The following ANKRD13C variants were observed in gnomAD, a reference collection of about 807,000 sequenced individuals.
ANKRD13C encodes ankyrin repeat domain-containing protein 13C.
A neutral mutation model predicts 65.5 loss-of-function variants in ANKRD13C; 16 were observed. The ratio of observed to expected loss-of-function variants is 0.24; its 90% CI spans 0.17 to 0.37. ANKRD13C has a LOEUF of 0.37. Ranked by LOEUF, ANKRD13C falls within the 10% of genes least tolerant of loss-of-function variation. ANKRD13C has a pLI of 1.00. For synonymous variants in ANKRD13C, 235 were observed against 238.7 expected (o/e 0.98, Z 0.14); for missense variants, 503 against 655.9 (o/e 0.77, Z 2.55).
At chr1:70,331,512 A>G (rs1300779075) in intron 2 of ANKRD13C, among the ~76,000 whole-genome samples, 1 of 152,132 alleles carries the variant, frequency 6.6e-6, no homozygotes, top group Non-Finnish European at 1.5e-5. Context: ...GGAATAGACT[A>G]TCTAGGCTGA....
intron 6 of ANKRD13C, among the ~76,000 whole-genome samples, chr1:70,302,890 G>A (rs202161368): frequency 6.6e-6 from 1 of 151,924 alleles, no homozygotes; most frequent in East Asian, 1.9e-4. Flanking sequence ...GGAATGTTAT[G>A]CTCTACATAA....
intron 8 of ANKRD13C, 123 bp downstream of exon 8, chr1:70,296,006 GA>G (rs1680067143): frequency 9.2e-7 from 1 of 1,082,422 alleles, no homozygotes; most frequent in Admixed American, 2.9e-5. Context: ...TGGATTCAAG[GA>G]AGAGAGAAAA....
chr1:70,354,164 T>C lies in ANKRD13C; in HGVS notation c.245A>G (p.Asn82Ser), dbSNP rs368427148. Residue 82 changes from asparagine to serine, a missense_variant, in exon 1 of 13, where the codon AAT (asparagine) becomes AGT (serine). By Grantham distance (46) the Asn-to-Ser change is conservative (BLOSUM62 1). Around this residue, in one of 2 missense-constraint regions of ANKRD13C, gnomAD observed 203 missense variants for 177.6 expected, o/e 1.14. Transcript: ENST00000370944. ...CTGGGAGTTGGCAGTCACGGAGGAA[T>C]TGTGCAGCGGCAGAGCCGGGGCGCC... ...PPGAPALPLH[N>S]SSVTANSQSP... is the part of the protein sequence containing the mutation. 20 of 1,613,922 alleles carry C rather than the reference T, an allele frequency of 1.2e-5. No individual in the cohort carries two copies. The highest frequency in any genetic ancestry group is 8.0e-5 in the African/African-American group (6 of 74,894).
intron 5 of ANKRD13C, among the ~76,000 whole-genome samples, chr1:70,309,258 G>C (rs1279328518): frequency 6.6e-6 from 1 of 151,412 alleles, no homozygotes; most frequent in African/African-American, 2.4e-5. Context: ...ATTTTTAGCA[G>C]AGATGGGTTT....
At position 70,285,591 on chromosome 1, in the gene ANKRD13C, CCT is replaced by C. The variant is rs1012163066; in HGVS notation, c.1215+6795_1215+6796del. On this transcript the variant is annotated intron_variant, in intron 9 of 12. Transcript: ENST00000370944. ...TTGATAGGTCTCTCCTCTTTCACCC[CCT>C]GTTGTTTAACCTCACATTAAATAAT... 5.9e-5 allele frequency among the ~76,000 whole-genome samples: 9 copies of C among 151,780 alleles called. No individual in the cohort carries two copies. In the South Asian group the frequency reaches 1.0e-3, roughly 18 times the overall value.
chr1:70,262,933 C>G, intron 12 of ANKRD13C, 86 bp from the exon 13 acceptor site: 1 of 720,218 alleles, frequency 1.4e-6, no homozygotes, highest in African/African-American at 2.6e-5. Flanking sequence ...TGTCCATACT[C>G]CTTAAAATGT....
Position 70,287,833 on chromosome 1 carries a change from C to G in ANKRD13C, c.1215+4555G>C, listed in dbSNP as rs189425133. Among the ~76,000 whole-genome samples the G allele has an allele frequency of 2.0e-5, 3 of 152,104 alleles. No homozygotes were observed. The East Asian group carries it at 5.8e-4, about 29-fold the overall frequency. On this transcript the variant is annotated intron_variant, in intron 9 of 12. Transcript: ENST00000370944. ...ACCAGTCTGGGCAACATGGTGAGAC[C>G]TTGTCTCTACAAAAAAATAAAAAAT...
intron 7 of ANKRD13C, 23 bp from the exon 8 acceptor site, chr1:70,296,284 A>G (rs373900026): frequency 1.6e-4 from 251 of 1,598,612 alleles, no homozygotes; most frequent in Non-Finnish European, 2.0e-4. Context: ...CAAAAGTTAA[A>G]TATAAAAATC....
chr1:70,316,688 T>C (rs1313929946), intron 3 of ANKRD13C, among the ~76,000 whole-genome samples: 3 of 151,958 alleles, frequency 2.0e-5, no homozygotes, highest in Non-Finnish European at 4.4e-5. Flanking sequence ...GTGCCTGTAA[T>C]TAACTAAATA....
intron 2 of ANKRD13C, 103 bp from the exon 3 acceptor site, chr1:70,325,060 A>C: frequency 1.3e-6 from 1 of 759,646 alleles, no homozygotes; most frequent in South Asian, 2.5e-5. Context: ...TAAATAGATG[A>C]AATAAACATT....
At chr1:70,277,229 G>A (rs774014291) in intron 9 of ANKRD13C, among the ~76,000 whole-genome samples, 11 of 151,978 alleles carry the variant, frequency 7.2e-5, no homozygotes, top group African/African-American at 1.2e-4. Flanking sequence ...AGGCCAAGGC[G>A]GGTGGATCAC....
chr1:70,336,053 C>A lies in ANKRD13C; in HGVS notation c.472+5G>T. 1.2e-6 allele frequency: 1 copy of A among 810,152 alleles called. No homozygotes were observed. The highest frequency in any genetic ancestry group is 2.5e-5 in the South Asian group (1 of 40,656). The allele number at this position is 810,152 out of a possible 1,614,324, so 50.2% of individuals were successfully genotyped here. On this transcript the variant is annotated splice_donor_5th_base_variant and intron_variant, in intron 2 of 12. Transcript: ENST00000370944. ...TAAACATAAAAAAAGAAAATATTTA[C>A]TAACCTTTATTTCCTAACATCACAG...
intron 10 of ANKRD13C, among the ~76,000 whole-genome samples, 189 bp downstream of exon 10, chr1:70,276,576 T>C (rs1266335201): frequency 6.6e-6 from 1 of 152,066 alleles, no homozygotes; most frequent in East Asian, 1.9e-4. Context: ...GCAAAGAGGG[T>C]ACATAATTTG....
intron 12 of ANKRD13C, among the ~76,000 whole-genome samples, chr1:70,268,085 G>A (rs1375381764): frequency 6.6e-6 from 1 of 152,116 alleles, no homozygotes; most frequent in Admixed American, 6.6e-5. Flanking sequence ...GGAGAGACCT[G>A]AGCAAGCCTA....
chr1:70,325,482 C>T (rs1450858326), intron 2 of ANKRD13C, among the ~76,000 whole-genome samples: 4 of 152,140 alleles, frequency 2.6e-5, no homozygotes, highest in South Asian at 2.1e-4. Flanking sequence ...GGGCAAAACT[C>T]GGCTTATGAT....
chr1:70,288,622 GA>G (rs1679725231), intron 9 of ANKRD13C, among the ~76,000 whole-genome samples: 1 of 152,164 alleles, frequency 6.6e-6, no homozygotes, highest in East Asian at 1.9e-4. Context: ...AGTGAAAAAA[GA>G]AAAGCCAATT....
At chr1:70,262,955 A>G (rs1228575278) in intron 12 of ANKRD13C, 108 bp from the exon 13 acceptor site, 2 of 923,358 alleles carry the variant, frequency 2.2e-6, no homozygotes, top group Non-Finnish European at 3.0e-6. Flanking sequence ...AAAAAAAAAA[A>G]AAAAATACTC....
chr1:70,354,577 G>A lies in ANKRD13C; in HGVS notation c.-169C>T. On this transcript the variant is annotated 5_prime_UTR_variant, in exon 1 of 13. Transcript: ENST00000370944. ...AAACGCATCTCCCGGGGAAGAGCCG[G>A]CTCTCGCCTAGGCACGAAGGGACGC... 1 of 1,415,002 alleles carries A rather than the reference G, an allele frequency of 7.1e-7. No individual in the cohort carries two copies. The highest frequency in any genetic ancestry group is 2.5e-5 in the East Asian group (1 of 39,864). 87.7% of individuals were successfully genotyped at this position (1,415,002 alleles called of 1,614,324 possible). A position where few individuals can be genotyped will look rare whatever the true frequency, so the allele number is the denominator to read the frequency against.
Position 70,261,145 on chromosome 1 carries a change from AGG to A in ANKRD13C, c.*1570_*1571del, listed in dbSNP as rs761237110. On this transcript the variant is annotated 3_prime_UTR_variant, in exon 13 of 13. Transcript: ENST00000370944. The stretch of plus-strand genomic sequence containing the variant: ...AATAGGTCCATGTAACGTAGTAATT[AGG>A]TCTTTCAATTTTTTACTATGATTAT... The A allele has an allele frequency of 6.6e-6, 1 of 152,244 alleles. No homozygotes were observed. The highest frequency in any genetic ancestry group is 2.4e-5 in the African/African-American group (1 of 41,580). 9.4% of individuals were successfully genotyped at this position (152,244 alleles called of 1,614,324 possible). A position where few individuals can be genotyped will look rare whatever the true frequency, so the allele number is the denominator to read the frequency against.
Sources: gnomAD v4.1 joint callset for allele counts (sites outside exome capture counted in the v4.1 genomes callset) on GRCh38, gnomAD v4.1.1 for gene constraint, gnomAD v4.1.1 regional missense constraint, MANE v1.5 for transcripts, NCBI Gene and HGNC (gene_info 2026-07-23, HGNC 2026-07-21) for gene names.